The following EFHD1 variants were observed in gnomAD, a reference collection of about 807,000 sequenced individuals.
EFHD1 encodes the protein EF-hand domain-containing protein D1.
EFHD1 carries 10 observed loss-of-function variants against 17.2 expected under a neutral mutation model. The ratio of observed to expected loss-of-function variants is 0.58; its 90% CI spans 0.36 to 0.99. The LOEUF is 0.99. EFHD1 is among the 50% of genes least tolerant of loss of function. The pLI is 0.01. For synonymous variants in EFHD1, 153 were observed against 142.0 expected, an observed-to-expected ratio of 1.08 and a Z score of -0.55; for missense variants, 310 against 327.5, an observed-to-expected ratio of 0.95 and a Z score of 0.41.
chr2:232,607,784 A>T (rs1043971213), intron 1 of EFHD1, among the ~76,000 whole-genome samples: 14 of 147,064 alleles, frequency 9.5e-5, no homozygotes, highest in Admixed American at 3.4e-4. Context: ...ACAGGCTAAA[A>T]TTTTTTTTTT....
intron 2 of EFHD1, among the ~76,000 whole-genome samples, chr2:232,668,881 G>A (rs1045426720): frequency 6.6e-6 from 1 of 152,062 alleles, no homozygotes; most frequent in African/African-American, 2.4e-5. Context: ...TGATCCGCTC[G>A]ACTCAGCCTC....
At chr2:232,625,276 G>A (rs1251746350) in intron 1 of EFHD1, among the ~76,000 whole-genome samples, 1 of 150,960 alleles carries the variant, frequency 6.6e-6, no homozygotes, top group African/African-American at 2.4e-5. Context: ...CTACAGGAAC[G>A]CACCACCATG....
intron 3 of EFHD1, among the ~76,000 whole-genome samples, chr2:232,678,743 A>G (rs1389189381): frequency 1.3e-5 from 2 of 152,248 alleles, no homozygotes; most frequent in African/African-American, 4.8e-5. Context: ...TGATCGCACC[A>G]TTGCACTCTA....
chr2:232,660,227 C>T (rs1694835172), intron 1 of EFHD1, among the ~76,000 whole-genome samples: 2 of 151,076 alleles, frequency 1.3e-5, no homozygotes, highest in South Asian at 4.2e-4. Flanking sequence ...CGGAATCTTG[C>T]TCTGTCACCC....
At chr2:232,663,225 C>A (rs558987240) in intron 2 of EFHD1, among the ~76,000 whole-genome samples, 7 of 152,122 alleles carry the variant, frequency 4.6e-5, no homozygotes, top group Non-Finnish European at 8.8e-5. Flanking sequence ...TTTATGGGGG[C>A]AAAATGTTGG....
At chr2:232,675,700 G>A (rs1695160203) in intron 3 of EFHD1, among the ~76,000 whole-genome samples, 1 of 152,198 alleles carries the variant, frequency 6.6e-6, no homozygotes, top group South Asian at 2.1e-4. Flanking sequence ...ACTCAGGGAA[G>A]TTTTCACAGA....
At chr2:232,630,704 G>C (rs1456274622), upstream of EFHD1, among the ~76,000 whole-genome samples, 1 of 151,340 alleles carries the variant, frequency 6.6e-6, no homozygotes, top group Non-Finnish European at 1.5e-5. Context: ...CCAGCACTTT[G>C]GGAGGCCTAG....
intron 1 of EFHD1, chr2:232,662,078 A>G (rs1036378225): frequency 2.0e-5 from 3 of 152,248 alleles, no homozygotes; most frequent in South Asian, 2.1e-4. Context: ...AGCAGAGCAC[A>G]CAGGGCTGAA....
chr2:232,643,023 T>C (rs937952479), intron 1 of EFHD1, among the ~76,000 whole-genome samples: 2 of 152,150 alleles, frequency 1.3e-5, no homozygotes, highest in Non-Finnish European at 2.9e-5. Context: ...GCTGCTGTCA[T>C]CCAGGACTTG....
chr2:232,634,002 A>T lies in EFHD1; in HGVS notation c.298A>T (p.Lys100Ter). Residue 100 changes from lysine to a stop codon, truncating the protein, a stop_gained, in exon 1 of 4, where the codon AAA (lysine) becomes TAA (stop). Coordinates refer to ENST00000264059, the MANE Select transcript of EFHD1 (RefSeq NM_025202.4). LOFTEE classifies it high-confidence loss of function. ...CATCAAGGACCTGGAGAGCATGTTCAAACTGTGAGCTCCCGCTGCGCGCCC... is the reference window on the plus strand; with the variant it reads ...CATCAAGGACCTGGAGAGCATGTTCTAACTGTGAGCTCCCGCTGCGCGCCC... ...RLIKDLESMF[K>*]LYDAGRDGFI... 1 of 1,597,458 alleles carries T rather than the reference A, an allele frequency of 6.3e-7. No individual in the cohort carries two copies. Among genetic ancestry groups the T allele is most frequent in the Non-Finnish European group, 8.5e-7 (1 of 1,179,368 alleles).
chr2:232,652,845 T>A (rs1694685177), intron 1 of EFHD1, among the ~76,000 whole-genome samples: 1 of 152,090 alleles, frequency 6.6e-6, no homozygotes, highest in Admixed American at 6.6e-5. Flanking sequence ...CTAAAGGAAG[T>A]GACTAGACAA....
chr2:232,619,585 C>T (rs994206457), intron 1 of EFHD1, among the ~76,000 whole-genome samples: 2 of 152,064 alleles, frequency 1.3e-5, no homozygotes, highest in Non-Finnish European at 2.9e-5. Context: ...GCTGGAATTA[C>T]GGGTGTGAGC....
chr2:232,606,309 G>A, intron 1 of EFHD1: 1 of 1,054,092 alleles, frequency 9.5e-7, no homozygotes, highest in Non-Finnish European at 1.4e-6. Flanking sequence ...CCCGGCCCTC[G>A]CTTCCCTGCC....
At chr2:232,620,381 C>T (rs1269616111) in intron 1 of EFHD1, among the ~76,000 whole-genome samples, 1 of 148,928 alleles carries the variant, frequency 6.7e-6, no homozygotes, top group East Asian at 2.0e-4. Context: ...AAACGAGACT[C>T]CATCTCAAAA....
intron 1 of EFHD1, among the ~76,000 whole-genome samples, chr2:232,613,772 A>C (rs1279535754): frequency 6.6e-6 from 1 of 151,542 alleles, no homozygotes; most frequent in African/African-American, 2.4e-5. Context: ...ACACATACAC[A>C]CACAAATATA....
chr2:232,629,499 C>T (rs1184205473), upstream of EFHD1, among the ~76,000 whole-genome samples: 1 of 151,814 alleles, frequency 6.6e-6, no homozygotes, highest in Non-Finnish European at 1.5e-5. Flanking sequence ...TATGGAGTCT[C>T]ACTCTGTCTC....
chr2:232,658,262 A>C (rs1390070638), intron 1 of EFHD1, among the ~76,000 whole-genome samples: 1 of 152,100 alleles, frequency 6.6e-6, no homozygotes. Flanking sequence ...GCTTGCTGAG[A>C]TCTTTTGGGC....
At chr2:232,668,003 T>A (rs1559354938) in intron 2 of EFHD1, among the ~76,000 whole-genome samples, 2 of 152,212 alleles carry the variant, frequency 1.3e-5, no homozygotes, top group Non-Finnish European at 1.5e-5. Context: ...ATTCCCTGAG[T>A]GTATCAGAAG....
intron 3 of EFHD1, among the ~76,000 whole-genome samples, chr2:232,677,000 TAAAACAAAAC>T (rs149948080): frequency 0.074 from 11,209 of 151,844 alleles, 581 homozygotes; most frequent in African/African-American, 0.14. Flanking sequence ...ACCCTGCCTC[TAAAACAAAAC>T]AAAACAAAAC....
Sources: gnomAD v4.1 joint callset for allele counts (sites outside exome capture counted in the v4.1 genomes callset) on GRCh38, gnomAD v4.1.1 for gene constraint, MANE v1.5 for transcripts, NCBI Gene and HGNC (gene_info 2026-07-23, HGNC 2026-07-21) for gene names.